Variants in B4GALNT3 observed in about 807,000 individuals in gnomAD.
The protein encoded by B4GALNT3 is beta-1,4-N-acetyl-galactosaminyltransferase 3, also known as beta-1,4-N-acetylgalactosaminyltransferase 3.
B4GALNT3 carries 86 observed loss-of-function variants against 120.2 expected under a neutral mutation model. The ratio of observed to expected loss-of-function variants is 0.72; its 90% CI spans 0.60 to 0.86. The LOEUF is 0.86. Ranked by LOEUF, B4GALNT3 falls within the 40% of genes least tolerant of loss-of-function variation. B4GALNT3 has a pLI of 0.00. For missense variants in B4GALNT3, 1,167 were observed against 1,298.9 expected (o/e 0.90, Z 1.56); for synonymous variants, 518 against 510.4 (o/e 1.01, Z -0.20).
At chr12:493,345 G>T (rs1946361180) in intron 1 of B4GALNT3, among the ~76,000 whole-genome samples, 1 of 152,170 alleles carries the variant, frequency 6.6e-6, no homozygotes, top group Non-Finnish European at 1.5e-5. Context: ...TTAGGGAAAT[G>T]AAAATTAAAA....
chr12:561,266 G>A, intron 19 of B4GALNT3, 77 bp from the exon 20 acceptor site: 2 of 1,080,310 alleles, frequency 1.9e-6, no homozygotes, highest in South Asian at 1.3e-5. Flanking sequence ...CGAACAGAGG[G>A]TCTGTGGTCG....
chr12:493,514 C>A (rs1298712923), intron 1 of B4GALNT3, among the ~76,000 whole-genome samples: 4 of 151,844 alleles, frequency 2.6e-5, no homozygotes, highest in Admixed American at 6.6e-5. Context: ...TTGGCAGTTT[C>A]TTTCAAAACT....
intron 1 of B4GALNT3, among the ~76,000 whole-genome samples, chr12:490,351 C>T (rs1946328990): frequency 6.6e-6 from 1 of 151,816 alleles, no homozygotes; most frequent in African/African-American, 2.4e-5. Context: ...GCCTCTAAGC[C>T]ATGCTAACTA....
At chr12:501,916 A>G (rs73590383) in intron 1 of B4GALNT3, among the ~76,000 whole-genome samples, 4,967 of 152,270 alleles carry the variant, frequency 0.033, 257 homozygotes, top group African/African-American at 0.11. Context: ...GCAGGTGCTC[A>G]GTCCACCAGG....
intron 1 of B4GALNT3, among the ~76,000 whole-genome samples, chr12:472,843 A>T (rs893729055): frequency 6.6e-6 from 1 of 152,234 alleles, no homozygotes; most frequent in Non-Finnish European, 1.5e-5. Flanking sequence ...TCTATCTCCA[A>T]AACTGCTGGG....
At chr12:546,455 C>T (rs1178333385) in intron 6 of B4GALNT3, among the ~76,000 whole-genome samples, 191 bp from the exon 7 acceptor site, 1 of 152,068 alleles carries the variant, frequency 6.6e-6, no homozygotes, top group Non-Finnish European at 1.5e-5. Context: ...AGGCGGGCTG[C>T]CTCCTGCGTG....
At chr12:477,322 T>C (rs1441674751) in intron 1 of B4GALNT3, among the ~76,000 whole-genome samples, 1 of 152,206 alleles carries the variant, frequency 6.6e-6, no homozygotes, top group Non-Finnish European at 1.5e-5. Flanking sequence ...TATTGATCTA[T>C]TTTTTTCTTA....
At chr12:470,675 A>G (rs754644947) in intron 1 of B4GALNT3, among the ~76,000 whole-genome samples, 3 of 152,234 alleles carry the variant, frequency 2.0e-5, no homozygotes, top group Non-Finnish European at 4.4e-5. Context: ...GAAAATGGGT[A>G]GAGAAATGAG....
rs373049578 is a variant in B4GALNT3 at position 550,001 on chromosome 12, G to T, written c.997+89G>T. The T allele has an allele frequency of 8.3e-5, 117 of 1,409,620 alleles. 2 individuals carry two copies. In the South Asian group the frequency reaches 1.4e-3, roughly 17 times the overall value. 87.3% of individuals were successfully genotyped at this position (1,409,620 alleles called of 1,614,324 possible). On this transcript the variant is annotated intron_variant, in intron 10 of 19. Coordinates refer to ENST00000266383, the MANE Select transcript of B4GALNT3 (RefSeq NM_173593.4). This position sits in a 1 kb window ranked among gnomAD's most constrained non-coding sequence, Gnocchi z 4.1. ...ATGGTGGAGAAGGCTTGAGAGACCT[G>T]CCAAGTATCCCAATCACCGTAGAAC...
intron 1 of B4GALNT3, among the ~76,000 whole-genome samples, chr12:497,239 C>T (rs368658554): frequency 2.0e-5 from 3 of 152,122 alleles, no homozygotes; most frequent in African/African-American, 4.8e-5. Context: ...CTGCAACCTC[C>T]GCCTCCCGGG....
chr12:473,591 C>G (rs6489539), intron 1 of B4GALNT3, among the ~76,000 whole-genome samples: 141,665 of 152,258 alleles, frequency 0.93, 66,552 homozygotes, highest in South Asian at 1. Context: ...CAGAAATGGT[C>G]TCCTGAGAAA....
intron 1 of B4GALNT3, among the ~76,000 whole-genome samples, chr12:504,713 A>C (rs992642543): frequency 3.3e-5 from 5 of 152,086 alleles, no homozygotes; most frequent in African/African-American, 4.8e-5. Context: ...TTCTGTCAAA[A>C]AAACAAACAA....
At chr12:513,180 T>TCCAC (rs1565599206) in intron 1 of B4GALNT3, among the ~76,000 whole-genome samples, 1 of 142,838 alleles carries the variant, frequency 7.0e-6, no homozygotes, top group African/African-American at 2.6e-5. Flanking sequence ...CCTTCCACCT[T>TCCAC]CTTCCACCTT....
rs562684308 is a variant in B4GALNT3, at chr12:464,125, G to A, written c.169+3580G>A. Among the ~76,000 whole-genome samples, 27 of 152,328 alleles carry A rather than the reference G, an allele frequency of 1.8e-4. No individual in the cohort carries two copies. The South Asian group carries it at 5.4e-3, about 30-fold the overall frequency. On this transcript the variant is annotated intron_variant, in intron 1 of 19. Coordinates refer to ENST00000266383, the MANE Select transcript of B4GALNT3 (RefSeq NM_173593.4). ...GGTCCGGGTGGCAGTGGGACACTCA[G>A]AGGGCCTGGGGCAGCCACTGTACTA...
At chr12:545,960 T>G (rs1358362199) in intron 6 of B4GALNT3, among the ~76,000 whole-genome samples, 1 of 34,620 alleles carries the variant, frequency 2.9e-5, no homozygotes, top group African/African-American at 1.2e-4. Flanking sequence ...GTGCGAGGAG[T>G]GGGGAGGTGA....
chr12:467,179 C>T (rs1384053489), intron 1 of B4GALNT3, among the ~76,000 whole-genome samples: 2 of 152,086 alleles, frequency 1.3e-5, no homozygotes, highest in Non-Finnish European at 2.9e-5. Context: ...GTGATCTTAG[C>T]TTATGCAGCC....
intron 1 of B4GALNT3, among the ~76,000 whole-genome samples, chr12:515,041 C>A (rs2120602132): frequency 1.3e-5 from 2 of 152,282 alleles, no homozygotes; most frequent in South Asian, 4.1e-4. Flanking sequence ...AGAAAGAACA[C>A]AAATTCTGGA....
intron 15 of B4GALNT3, 73 bp from the exon 16 acceptor site, chr12:557,535 G>A: frequency 6.7e-7 from 1 of 1,499,550 alleles, no homozygotes; most frequent in Non-Finnish European, 9.0e-7. Context: ...CCTGGGAGCT[G>A]GGGGTGGAGG....
intron 1 of B4GALNT3, among the ~76,000 whole-genome samples, chr12:524,655 GAAAA>G (rs899440472): frequency 1.2e-4 from 13 of 104,200 alleles, no homozygotes; most frequent in Non-Finnish European, 1.9e-4. Flanking sequence ...AAAAAAAAAA[GAAAA>G]AAGAAAAGAA....
Sources: gnomAD v4.1 joint callset for allele counts (sites outside exome capture counted in the v4.1 genomes callset) on GRCh38, gnomAD v4.1.1 for gene constraint, Gnocchi (gnomAD v3.1) non-coding constraint, MANE v1.5 for transcripts, NCBI Gene and HGNC (gene_info 2026-07-23, HGNC 2026-07-21) for gene names.